Variants in PLEKHG4B observed in about 807,000 individuals in gnomAD.
The protein encoded by PLEKHG4B is pleckstrin homology domain-containing family G member 4B.
Under a neutral mutation model 121.3 loss-of-function variants are expected in PLEKHG4B, and 111 were observed. That is an observed-to-expected ratio of 0.92 (90% CI 0.78 to 1.07). The LOEUF (loss-of-function observed/expected upper bound fraction) is 1.07, where lower values mean the gene tolerates loss of function less well. Among genes scored for constraint, PLEKHG4B ranks in the 50% least tolerant of loss-of-function variants. PLEKHG4B has a pLI of 0.00. For synonymous variants in PLEKHG4B, 738 were observed against 725.0 expected, an observed-to-expected ratio of 1.02 and a Z score of -0.29; for missense variants, 1,831 against 1,757.8, an observed-to-expected ratio of 1.04 and a Z score of -0.74.
chr5:163,478 C>G lies in PLEKHG4B; in HGVS notation c.3406C>G (p.Gln1136Glu). 6.2e-7 allele frequency: 1 copy of G among 1,612,728 alleles called. No individual in the cohort carries two copies. The highest frequency in any genetic ancestry group is 8.5e-7 in the Non-Finnish European group (1 of 1,179,954). The change falls in exon 13 of 20, where the codon CAG becomes GAG. Residue 1136 changes from glutamine (Q) to glutamate (E), a missense_variant. Coordinates refer to ENST00000637938, the MANE Select transcript of PLEKHG4B (RefSeq NM_052909.5). ...GCATGCCAGGAGCCCCCCGGTCACT[C>G]AGAGCCGGAGTCTGTCCTCCCCCTC... The part of the protein sequence containing the change: ...WQHARSPPVT[Q>E]SRSLSSPSGL...
intron 1 of PLEKHG4B, among the ~76,000 whole-genome samples, chr5:110,901 A>G (rs1019994886): frequency 6.6e-6 from 1 of 152,256 alleles, no homozygotes; most frequent in Non-Finnish European, 1.5e-5. Context: ...GAGTTCTACA[A>G]AGACAAGAAA....
At chr5:154,451 G>A (rs566188830) in intron 7 of PLEKHG4B, among the ~76,000 whole-genome samples, 2 of 152,218 alleles carry the variant, frequency 1.3e-5, no homozygotes, top group Admixed American at 6.5e-5. Context: ...TGCTGGCCCC[G>A]CATGCATCAG....
chr5:135,687 A>T (rs1416113576), intron 2 of PLEKHG4B, among the ~76,000 whole-genome samples: 1 of 39,450 alleles, frequency 2.5e-5, no homozygotes, highest in Non-Finnish European at 4.8e-5. Context: ...AAAAAAATAT[A>T]TATATATATA....
intron 1 of PLEKHG4B, among the ~76,000 whole-genome samples, chr5:109,034 G>T (rs939289004): frequency 1.3e-5 from 2 of 152,184 alleles, no homozygotes; most frequent in Admixed American, 1.3e-4. Context: ...TCACCACCCT[G>T]CTGTGCTAAG....
chr5:164,466 T>C (rs12516329), intron 13 of PLEKHG4B, among the ~76,000 whole-genome samples: 55,426 of 109,432 alleles, frequency 0.51, 14,394 homozygotes, highest in South Asian at 0.59. Context: ...CACAGTAATG[T>C]TGTGACGGAG....
chr5:156,027 T>C lies in PLEKHG4B; in HGVS notation c.2209-44T>C. On this transcript the variant is annotated intron_variant, in intron 9 of 19. Coordinates refer to ENST00000637938, the MANE Select transcript of PLEKHG4B (RefSeq NM_052909.5). The surrounding 1 kb of genome is among the most constrained non-coding windows in gnomAD (Gnocchi z 4.4). ...TGTCACACTTGGGAGGACCTGCCCC[T>C]TGGAGGAGGGAGTTAAAGGCTTATT... 2.0e-6 allele frequency: 3 copies of C among 1,492,998 alleles called. No individual in the cohort carries two copies. Among genetic ancestry groups the C allele is most frequent in the Non-Finnish European group, 2.7e-6 (3 of 1,112,294 alleles). The allele number at this position is 1,492,998 out of a possible 1,614,324, so 92.5% of individuals were successfully genotyped here.
chr5:133,913 G>GACACACACACACAC (rs745898348), intron 2 of PLEKHG4B, among the ~76,000 whole-genome samples: 23 of 135,628 alleles, frequency 1.7e-4, no homozygotes, highest in Middle Eastern at 3.8e-3. Context: ...AAGAAAATGT[G>GACACACACACACAC]ACACACACGC....
chr5:171,008 C>G, intron 14 of PLEKHG4B, 35 bp from the exon 15 acceptor site: 1 of 1,561,780 alleles, frequency 6.4e-7, no homozygotes, highest in Non-Finnish European at 8.7e-7. Flanking sequence ...GGGCCTGTCA[C>G]TCCCACAGCC....
intron 1 of PLEKHG4B, among the ~76,000 whole-genome samples, chr5:104,050 G>GAT (rs1215334352): frequency 6.7e-6 from 1 of 149,906 alleles, no homozygotes; most frequent in Admixed American, 6.7e-5. Context: ...TCCCAGCACC[G>GAT]ATTCCTAAAC....
chr5:154,966 A>G lies in PLEKHG4B; in HGVS notation c.2084A>G (p.His695Arg), dbSNP rs1735724272. The G allele has an allele frequency of 1.9e-6, 3 of 1,613,314 alleles. No individual in the cohort carries two copies. Among genetic ancestry groups the G allele is most frequent in the Admixed American group, 1.7e-5 (1 of 60,010 alleles). Reference protein sequence around the residue: ...ADLDGSFPYSHGDWICFRQRL... With the variant: ...ADLDGSFPYSRGDWICFRQRL... ...CTCGACGGCTCCTTTCCCTACAGCC[A>G]TGGTGACTGGATCTGCTTCCGTCAG... Residue 695 changes from histidine to arginine, a missense_variant, in exon 8 of 20, where the codon CAT becomes CGT. Coordinates refer to ENST00000637938, the MANE Select transcript of PLEKHG4B (RefSeq NM_052909.5).
intron 18 of PLEKHG4B, 84 bp downstream of exon 18, chr5:174,182 C>A: frequency 1.1e-6 from 1 of 891,574 alleles, no homozygotes; most frequent in Non-Finnish European, 1.4e-6. Flanking sequence ...GGGTGAGAGC[C>A]AGGGGCTGAG....
rs765640405 is a variant in PLEKHG4B at position 114,328 on chromosome 5, C to T, written c.243+880C>T. The stretch of plus-strand genomic sequence containing the variant: ...CAGCATTTTACCCACCATAGAACTT[C>T]GTTCAGAATTGGAGTCGATCCTCTC... On this transcript the variant is annotated intron_variant, in intron 2 of 19. Coordinates refer to ENST00000637938, the MANE Select transcript of PLEKHG4B (RefSeq NM_052909.5). 2.6e-5 allele frequency among the ~76,000 whole-genome samples: 4 copies of T among 152,224 alleles called. No individual in the cohort carries two copies. In the East Asian group the frequency reaches 5.8e-4, roughly 22 times the overall value.
chr5:121,042 C>T (rs904631541), intron 2 of PLEKHG4B, among the ~76,000 whole-genome samples: 3 of 151,894 alleles, frequency 2.0e-5, no homozygotes, highest in African/African-American at 7.2e-5. Context: ...GTCAGGAGAT[C>T]GAGACCATCC....
At chr5:135,682 AATATATATATATATATATATATATAT>A (rs70955207) in intron 2 of PLEKHG4B, among the ~76,000 whole-genome samples, 1 of 19,614 alleles carries the variant, frequency 5.1e-5, no homozygotes, top group East Asian at 1.9e-3. Flanking sequence ...AAAAAAAAAA[AATATATATATATATATATATATATAT>A]ATATATATAT....
chr5:131,820 A>T (rs2126382594), intron 2 of PLEKHG4B, among the ~76,000 whole-genome samples: 1 of 152,280 alleles, frequency 6.6e-6, no homozygotes, highest in Non-Finnish European at 1.5e-5. Context: ...CTGGTGTGAG[A>T]TGGTATCTCA....
intron 3 of PLEKHG4B, 98 bp downstream of exon 3, chr5:140,814 CCCA>C: frequency 2.0e-6 from 2 of 978,430 alleles, no homozygotes; most frequent in Non-Finnish European, 2.8e-6. Context: ...CCTACAAACC[CCCA>C]CAACCTCCCC....
At chr5:112,412 A>G (rs542610189) in intron 1 of PLEKHG4B, among the ~76,000 whole-genome samples, 1 of 152,360 alleles carries the variant, frequency 6.6e-6, no homozygotes, top group East Asian at 1.9e-4. Context: ...CTGTCGTGCC[A>G]TTATAAAAAC....
Position 174,024 on chromosome 5 carries a change from G to T in PLEKHG4B, c.4328G>T (p.Ser1443Ile). Residue 1443 changes from serine to isoleucine, a missense_variant, in exon 18 of 20, where the codon AGC becomes ATC. Coordinates refer to ENST00000637938, the MANE Select transcript of PLEKHG4B (RefSeq NM_052909.5). ...CAGGACACCTACATTCTCCAAGCAA[G>T]CTCGGCAGAGGTCAAGAGTGCATGG... ...KSQDTYILQA[S>I]SAEVKSAWTD... 6.2e-7 allele frequency: 1 copy of T among 1,607,660 alleles called. No individual in the cohort carries two copies. The highest frequency in any genetic ancestry group is 8.5e-7 in the Non-Finnish European group (1 of 1,177,528).
At chr5:175,451 G>A (rs1018532859) in intron 18 of PLEKHG4B, among the ~76,000 whole-genome samples, 2 of 152,002 alleles carry the variant, frequency 1.3e-5, no homozygotes, top group African/African-American at 4.8e-5. Flanking sequence ...TCCAGGTCCT[G>A]CCCCAGCACC....
Sources: gnomAD v4.1 joint callset for allele counts (sites outside exome capture counted in the v4.1 genomes callset) on GRCh38, gnomAD v4.1.1 for gene constraint, Gnocchi (gnomAD v3.1) non-coding constraint, MANE v1.5 for transcripts, NCBI Gene and HGNC (gene_info 2026-07-23, HGNC 2026-07-21) for gene names.